NALF1: variants seen among roughly 807,000 people sequenced by gnomAD.
NALF1 encodes the protein NALCN channel auxiliary factor 1.
NALF1 carries 3 observed loss-of-function variants against 48.4 expected under a neutral mutation model. That is an observed-to-expected ratio of 0.06 (90% CI 0.03 to 0.16). The LOEUF (loss-of-function observed/expected upper bound fraction) is 0.16, where lower values mean the gene tolerates loss of function less well. NALF1 is among the 10% of genes least tolerant of loss of function. The probability of loss-of-function intolerance (pLI) is 1.00; values close to 1 mark genes in which losing one functional copy is unlikely to be tolerated. For missense variants in NALF1, 526 were observed against 571.5 expected, an observed-to-expected ratio of 0.92 and a Z score of 0.81; for synonymous variants, 262 against 245.7, an observed-to-expected ratio of 1.07 and a Z score of -0.62.
At chr13:107,654,500 A>AT (rs1439120194) in intron 1 of NALF1, among the ~76,000 whole-genome samples, 2 of 152,080 alleles carry the variant, frequency 1.3e-5, no homozygotes, top group Non-Finnish European at 2.9e-5. Context: ...CGAAATGGTA[A>AT]TAAAAAAAAT....
chr13:107,457,291 G>A (rs1019333173), intron 1 of NALF1, among the ~76,000 whole-genome samples: 3 of 152,070 alleles, frequency 2.0e-5, no homozygotes, highest in Non-Finnish European at 2.9e-5. Context: ...AGGGAATTTC[G>A]AGGCATTTGA....
intron 1 of NALF1, among the ~76,000 whole-genome samples, chr13:107,303,060 T>C (rs1189278371): frequency 6.6e-6 from 1 of 152,198 alleles, no homozygotes; most frequent in Non-Finnish European, 1.5e-5. Flanking sequence ...TTTTTTGTTG[T>C]TGTTTGATTT....
At chr13:107,437,443 T>C (rs976261837) in intron 1 of NALF1, among the ~76,000 whole-genome samples, 8 of 152,228 alleles carry the variant, frequency 5.3e-5, no homozygotes, top group Non-Finnish European at 8.8e-5. Context: ...AGAATGCTTA[T>C]TGCAGATTAT....
chr13:107,369,909 G>A (rs562065381), intron 1 of NALF1, among the ~76,000 whole-genome samples: 14 of 152,116 alleles, frequency 9.2e-5, no homozygotes, highest in Non-Finnish European at 1.8e-4. Flanking sequence ...TGTCTAATTC[G>A]TTCATTTCCT....
chr13:107,775,874 G>T (rs1008150323), intron 1 of NALF1, among the ~76,000 whole-genome samples: 4 of 152,196 alleles, frequency 2.6e-5, no homozygotes, highest in Admixed American at 2.0e-4. Flanking sequence ...TACCTCTGAG[G>T]TTAGTTAGGA....
At chr13:107,554,989 A>G (rs545922736) in intron 1 of NALF1, among the ~76,000 whole-genome samples, 1 of 152,256 alleles carries the variant, frequency 6.6e-6, no homozygotes, top group East Asian at 1.9e-4. Context: ...CTGCTGAATA[A>G]CATTTTTCTC....
intron 1 of NALF1, among the ~76,000 whole-genome samples, chr13:107,776,685 G>C (rs568839903): frequency 6.6e-5 from 10 of 152,318 alleles, no homozygotes; most frequent in African/African-American, 2.4e-4. Context: ...GAACATGACA[G>C]ATTTTAGGAT....
chr13:107,398,998 C>G (rs936813822), intron 1 of NALF1, among the ~76,000 whole-genome samples: 1 of 152,144 alleles, frequency 6.6e-6, no homozygotes, highest in African/African-American at 2.4e-5. Context: ...ATTCTCCGGC[C>G]TGATGACCAT....
At chr13:107,176,217 G>T (rs1878923312) in intron 2 of NALF1, among the ~76,000 whole-genome samples, 1 of 151,696 alleles carries the variant, frequency 6.6e-6, no homozygotes, top group Non-Finnish European at 1.5e-5. Context: ...TTTCCGGGTA[G>T]TGAAATGTTG....
At chr13:107,422,027 C>T (rs936089561) in intron 1 of NALF1, among the ~76,000 whole-genome samples, 1 of 152,130 alleles carries the variant, frequency 6.6e-6, no homozygotes, top group African/African-American at 2.4e-5. Context: ...TAGCAGTTCT[C>T]TTCATGTCAC....
chr13:107,525,035 A>G (rs1270907022), intron 1 of NALF1, among the ~76,000 whole-genome samples: 1 of 152,132 alleles, frequency 6.6e-6, no homozygotes, highest in African/African-American at 2.4e-5. Context: ...TGTTTTCAAC[A>G]TGGGGTTTTG....
At chr13:107,772,002 T>A (rs9514736) in intron 1 of NALF1, among the ~76,000 whole-genome samples, 12,338 of 152,258 alleles carry the variant, frequency 0.081, 632 homozygotes, top group East Asian at 0.17. Flanking sequence ...CCCAAAGTGC[T>A]GGGGTTACAG....
intron 1 of NALF1, among the ~76,000 whole-genome samples, chr13:107,590,961 T>C (rs1363434608): frequency 3.9e-5 from 6 of 152,034 alleles, no homozygotes; most frequent in Non-Finnish European, 5.9e-5. Context: ...ATAGGTAGGA[T>C]TGTTTGTAAG....
intron 2 of NALF1, among the ~76,000 whole-genome samples, chr13:107,206,398 T>C (rs145193273): frequency 8.5e-4 from 130 of 152,260 alleles, no homozygotes; most frequent in African/African-American, 3.0e-3. Context: ...TTCTCAGATA[T>C]TTCATTTTTT....
At chr13:107,561,502 GTC>G (rs1461921320) in intron 1 of NALF1, among the ~76,000 whole-genome samples, 6 of 152,142 alleles carry the variant, frequency 3.9e-5, no homozygotes, top group African/African-American at 1.4e-4. Context: ...AGGACTCAGC[GTC>G]TGTCTCCTCC....
At chr13:107,391,190 C>T (rs1049440388) in intron 1 of NALF1, among the ~76,000 whole-genome samples, 1 of 152,054 alleles carries the variant, frequency 6.6e-6, no homozygotes, top group Non-Finnish European at 1.5e-5. Context: ...AGATGGGTCC[C>T]TGGAAGCACC....
intron 1 of NALF1, among the ~76,000 whole-genome samples, chr13:107,270,673 T>C (rs372435125): frequency 2.8e-5 from 1 of 35,660 alleles, no homozygotes. Context: ...ATATTTTTAT[T>C]ATTATTATAC....
chr13:107,559,158 G>A (rs1367380417), intron 1 of NALF1, among the ~76,000 whole-genome samples: 5 of 152,198 alleles, frequency 3.3e-5, no homozygotes, highest in Non-Finnish European at 7.3e-5. Context: ...GGAGACGGCA[G>A]CAGAGAGGAG....
intron 1 of NALF1, among the ~76,000 whole-genome samples, chr13:107,590,275 T>C (rs1878570050): frequency 6.6e-6 from 1 of 152,016 alleles, no homozygotes; most frequent in South Asian, 2.1e-4. Flanking sequence ...AAGTTGTTTT[T>C]ATAGGAAACA....
Sources: gnomAD v4.1 joint callset for allele counts (sites outside exome capture counted in the v4.1 genomes callset) on GRCh38, gnomAD v4.1.1 for gene constraint, MANE v1.5 for transcripts, NCBI Gene and HGNC (gene_info 2026-07-23, HGNC 2026-07-21) for gene names.